Variants in SYNJ2 observed in about 807,000 individuals in gnomAD.
SYNJ2 encodes the protein polyphosphatidylinositol phosphatase SYNJ2.
Under a neutral mutation model 141.3 loss-of-function variants are expected in SYNJ2, and 116 were observed. That is an observed-to-expected ratio of 0.82 (90% CI 0.71 to 0.96). The LOEUF (loss-of-function observed/expected upper bound fraction) is 0.96, where lower values mean the gene tolerates loss of function less well. Ranked by LOEUF, SYNJ2 falls within the 40% of genes least tolerant of loss-of-function variation. The pLI, the probability that SYNJ2 is intolerant of heterozygous loss-of-function variation, is 0.00. For missense variants in SYNJ2, 1,873 were observed against 1,934.8 expected, an observed-to-expected ratio of 0.97 and a Z score of 0.60; for synonymous variants, 745 against 777.7, an observed-to-expected ratio of 0.96 and a Z score of 0.70.
chr6:157,993,043 G>A (rs982743580), intron 1 of SYNJ2, among the ~76,000 whole-genome samples: 12 of 152,032 alleles, frequency 7.9e-5, no homozygotes, highest in East Asian at 1.9e-4. Flanking sequence ...GTGGTTGTAC[G>A]CATATAGTAC....
intron 7 of SYNJ2, 125 bp from the exon 8 acceptor site, chr6:158,061,867 C>A: frequency 1.0e-6 from 1 of 977,042 alleles, no homozygotes; most frequent in Non-Finnish European, 1.5e-6. Flanking sequence ...TGTGAGCTTC[C>A]AGCTAAAGCA....
chr6:158,063,611 A>G (rs1362986960), intron 8 of SYNJ2, among the ~76,000 whole-genome samples, 180 bp from the exon 9 acceptor site: 2 of 139,944 alleles, frequency 1.4e-5, no homozygotes, highest in Non-Finnish European at 3.0e-5. Context: ...GTGAGCCGAG[A>G]TCATGCCATT....
intron 1 of SYNJ2, among the ~76,000 whole-genome samples, chr6:157,991,514 T>C (rs1274532011): frequency 6.6e-6 from 1 of 152,080 alleles, no homozygotes; most frequent in Non-Finnish European, 1.5e-5. Flanking sequence ...TTCTTTCCAG[T>C]GGGGGAATTT....
At chr6:157,991,162 G>A (rs1325826898) in intron 1 of SYNJ2, among the ~76,000 whole-genome samples, 1 of 152,184 alleles carries the variant, frequency 6.6e-6, no homozygotes, top group Non-Finnish European at 1.5e-5. Context: ...AAGAGAGAAC[G>A]CCTCTGGAGC....
At chr6:158,016,630 A>T (rs1485297935) in intron 1 of SYNJ2, among the ~76,000 whole-genome samples, 3 of 152,078 alleles carry the variant, frequency 2.0e-5, no homozygotes, top group Non-Finnish European at 4.4e-5. Context: ...CCTGCGCCTA[A>T]TGGTTCTTCC....
intron 4 of SYNJ2, among the ~76,000 whole-genome samples, chr6:158,034,306 C>G (rs1271229149): frequency 1.3e-5 from 2 of 152,156 alleles, no homozygotes; most frequent in Non-Finnish European, 2.9e-5. Context: ...ATAAGGCCAC[C>G]ATGTGGAATA....
At chr6:158,017,032 CTG>C (rs1778489163) in intron 1 of SYNJ2, 170 bp from the exon 2 acceptor site, 1 of 1,337,364 alleles carries the variant, frequency 7.5e-7, no homozygotes, top group Non-Finnish European at 9.6e-7. Flanking sequence ...CCTTGCAGCT[CTG>C]TGATTCGCGA....
chr6:158,007,290 C>A (rs1308928877), intron 1 of SYNJ2, among the ~76,000 whole-genome samples: 1 of 152,170 alleles, frequency 6.6e-6, no homozygotes, highest in Non-Finnish European at 1.5e-5. Flanking sequence ...ATAACTCTGT[C>A]TGCTGGGACG....
intron 4 of SYNJ2, among the ~76,000 whole-genome samples, chr6:158,036,407 T>G (rs1779639868): frequency 6.6e-6 from 1 of 152,172 alleles, no homozygotes; most frequent in South Asian, 2.1e-4. Flanking sequence ...AAATGTGGTT[T>G]GTATACAGCA....
At chr6:158,049,064 G>A (rs370941635) in intron 5 of SYNJ2, among the ~76,000 whole-genome samples, 4 of 152,252 alleles carry the variant, frequency 2.6e-5, no homozygotes, top group Non-Finnish European at 2.9e-5. Context: ...TGCTGTCTGC[G>A]ATCCTTGGGC....
chr6:158,078,039 G>A (rs1419895235), intron 17 of SYNJ2, 125 bp from the exon 18 acceptor site: 4 of 653,686 alleles, frequency 6.1e-6, no homozygotes, highest in Non-Finnish European at 1.1e-5. Context: ...GGAGGAGTAA[G>A]GAGGATGAGT....
chr6:158,064,049 A>T (rs1284953964), intron 9 of SYNJ2, among the ~76,000 whole-genome samples, 177 bp downstream of exon 9: 3 of 152,190 alleles, frequency 2.0e-5, no homozygotes, highest in African/African-American at 7.2e-5. Context: ...GTTCCCCAGG[A>T]GGCTGCTTTC....
chr6:158,095,959 T>A lies in SYNJ2; in HGVS notation c.4086T>A (p.Asn1362Lys). ...NSQLLQGLTY[N>K]SSDSPSGHPP... The stretch of plus-strand genomic sequence containing the variant: ...AGCTTCTCCAGGGCCTCACTTACAA[T>A]AGCAGTGACAGCCCCTCTGGGCACC... The change falls in exon 27 of 27, where the codon AAT (asparagine) becomes AAA (lysine). Residue 1362 changes from asparagine to lysine, a missense_variant. Asn to Lys is a moderately conservative substitution (Grantham distance 94). Transcript: ENST00000355585. The A allele has an allele frequency of 6.2e-7, 1 of 1,614,016 alleles. No homozygotes were observed.
Position 158,028,928 on chromosome 6 carries a change from C to G in SYNJ2, c.387C>G (p.Phe129Leu), listed in dbSNP as rs770599260. 3 of 1,614,160 alleles carry G rather than the reference C, an allele frequency of 1.9e-6. No homozygotes were observed. Among genetic ancestry groups the G allele is most frequent in the East Asian group, 4.5e-5 (2 of 44,882 alleles). Reference protein sequence around the residue: ...ALKKILSSGVFYFSWPNDGSR... With the variant: ...ALKKILSSGVLYFSWPNDGSR... ...AGAAAATCCTCAGCTCGGGGGTGTT[C>G]TATTTCTCATGGCCAAACGATGGGT... Residue 129 changes from phenylalanine to leucine, a missense_variant, in exon 3 of 27, where the codon TTC becomes TTG. Transcript: ENST00000355585.
At chr6:158,016,909 C>CT in intron 1 of SYNJ2, 1 of 869,384 alleles carries the variant, frequency 1.2e-6, no homozygotes, top group Non-Finnish European at 1.4e-6. Flanking sequence ...TAGGGCCAGG[C>CT]CCCAGGTGCC....
At chr6:158,086,058 G>C (rs1176542744) in intron 22 of SYNJ2, among the ~76,000 whole-genome samples, 1 of 152,304 alleles carries the variant, frequency 6.6e-6, no homozygotes, top group South Asian at 2.1e-4. Flanking sequence ...TTTGCTACCT[G>C]GTGGGCATTG....
At chr6:158,018,568 T>C (rs1368800565) in intron 2 of SYNJ2, among the ~76,000 whole-genome samples, 1 of 152,236 alleles carries the variant, frequency 6.6e-6, no homozygotes, top group East Asian at 1.9e-4. Flanking sequence ...TTTTCTGTCA[T>C]GGAATGTTTT....
In SYNJ2 at chr6:158,071,212, T is replaced by A. The variant is rs1338641531; in HGVS notation, c.1941-390T>A. On this transcript the variant is annotated intron_variant, in intron 14 of 26. Transcript: ENST00000355585. This position sits in a 1 kb window ranked among gnomAD's most constrained non-coding sequence, Gnocchi z 4.3. ...TAACAATAATAATTTAAAAATGTGT[T>A]GATTGCCCAGATGACACCTCCCATG... Among the ~76,000 whole-genome samples, 3 of 152,102 alleles carry A rather than the reference T, an allele frequency of 2.0e-5. No individual in the cohort carries two copies. Among genetic ancestry groups the A allele is most frequent in the Non-Finnish European group, 4.4e-5 (3 of 67,992 alleles).
intron 1 of SYNJ2, among the ~76,000 whole-genome samples, chr6:158,013,638 ATTTG>A (rs543010047): frequency 4.7e-4 from 72 of 152,258 alleles, no homozygotes; most frequent in African/African-American, 1.1e-3. Context: ...GCTCTCTAAA[ATTTG>A]TTTGTCACCC....
Sources: gnomAD v4.1 joint callset for allele counts (sites outside exome capture counted in the v4.1 genomes callset) on GRCh38, gnomAD v4.1.1 for gene constraint, Gnocchi (gnomAD v3.1) non-coding constraint, MANE v1.5 for transcripts, NCBI Gene and HGNC (gene_info 2026-07-23, HGNC 2026-07-21) for gene names.